ZMAT4: variants seen among roughly 807,000 people sequenced by gnomAD.
The protein encoded by ZMAT4 is zinc finger matrin-type protein 4.
A neutral mutation model predicts 28.7 loss-of-function variants in ZMAT4; 17 were observed. That is an observed-to-expected ratio of 0.59 (90% CI 0.41 to 0.89). ZMAT4 has a LOEUF of 0.89. Ranked by LOEUF, ZMAT4 falls within the 40% of genes least tolerant of loss-of-function variation. ZMAT4 has a pLI of 0.00. For synonymous variants in ZMAT4, 117 were observed against 109.2 expected, an observed-to-expected ratio of 1.07 and a Z score of -0.44; for missense variants, 240 against 283.8, an observed-to-expected ratio of 0.85 and a Z score of 1.11.
chr8:40,627,574 T>C lies in ZMAT4; in HGVS notation c.578-46313A>G, dbSNP rs139473330. 5.5e-3 allele frequency among the ~76,000 whole-genome samples: 842 copies of C among 152,338 alleles called. 3 individuals are homozygous for C. Among genetic ancestry groups the C allele is most frequent in the Middle Eastern group, 0.02 (6 of 294 alleles). On this transcript the variant is annotated intron_variant, in intron 5 of 6. Coordinates refer to ENST00000297737, the MANE Select transcript of ZMAT4 (RefSeq NM_024645.3). ...ATCATAATTCAACCTATGATTTGAA[T>C]TATAATTTTTCTACCATTTAAAATT...
chr8:40,639,366 C>T (rs142131457), intron 5 of ZMAT4, among the ~76,000 whole-genome samples: 246 of 152,130 alleles, frequency 1.6e-3, no homozygotes, highest in Middle Eastern at 3.4e-3. Context: ...GCTGATGTGC[C>T]CAGGTAGACT....
At chr8:40,538,532 A>T (rs961389577) in intron 6 of ZMAT4, among the ~76,000 whole-genome samples, 1 of 152,124 alleles carries the variant, frequency 6.6e-6, no homozygotes, top group Non-Finnish European at 1.5e-5. Flanking sequence ...CTAAGAATAC[A>T]TCTATTTAAA....
intron 4 of ZMAT4, among the ~76,000 whole-genome samples, chr8:40,689,946 A>G (rs2150487401): frequency 6.6e-6 from 1 of 152,286 alleles, no homozygotes; most frequent in Non-Finnish European, 1.5e-5. Context: ...AGTTTACGGT[A>G]TTGAAAAGGA....
rs181499073 is a variant in ZMAT4, at chr8:40,617,968, C to T, written c.578-36707G>A. 2.6e-5 allele frequency among the ~76,000 whole-genome samples: 4 copies of T among 152,310 alleles called. No individual in the cohort carries two copies. The East Asian group carries it at 7.7e-4, about 29-fold the overall frequency. On this transcript the variant is annotated intron_variant, in intron 5 of 6. Transcript: ENST00000297737. ...GAGATTGGAAATAAAATAAATAAGGCACACAGCACAGATCGGACCACTGGA... is the reference window on the plus strand; with the variant it reads ...GAGATTGGAAATAAAATAAATAAGGTACACAGCACAGATCGGACCACTGGA...
intron 5 of ZMAT4, among the ~76,000 whole-genome samples, chr8:40,669,851 T>C (rs1808595301): frequency 6.6e-6 from 1 of 152,190 alleles, no homozygotes; most frequent in African/African-American, 2.4e-5. Flanking sequence ...ATTTAACAAA[T>C]GATGTGCAAA....
At chr8:40,770,192 G>A (rs1286458961) in intron 2 of ZMAT4, among the ~76,000 whole-genome samples, 2 of 152,088 alleles carry the variant, frequency 1.3e-5, no homozygotes, top group Admixed American at 6.6e-5. Flanking sequence ...TTTTCCCTGG[G>A]CACCGTTTTT....
At chr8:40,804,231 A>G (rs907500623) in intron 2 of ZMAT4, among the ~76,000 whole-genome samples, 1 of 152,278 alleles carries the variant, frequency 6.6e-6, no homozygotes, top group South Asian at 2.1e-4. Flanking sequence ...TAAACTATGG[A>G]CTCTGAGTGA....
At chr8:40,532,946 G>T (rs1413756199) in intron 6 of ZMAT4, among the ~76,000 whole-genome samples, 2 of 150,310 alleles carry the variant, frequency 1.3e-5, no homozygotes, top group Non-Finnish European at 2.9e-5. Flanking sequence ...TCGTGCCACT[G>T]CACTCCAGCC....
chr8:40,813,778 C>T (rs563403843), intron 2 of ZMAT4, among the ~76,000 whole-genome samples: 41 of 152,304 alleles, frequency 2.7e-4, no homozygotes, highest in Non-Finnish European at 3.7e-4. Flanking sequence ...AAGGATTTCT[C>T]GGACCAGAAG....
intron 1 of ZMAT4, among the ~76,000 whole-genome samples, chr8:40,835,388 G>C (rs1816440274): frequency 6.6e-6 from 1 of 152,128 alleles, no homozygotes; most frequent in Non-Finnish European, 1.5e-5. Flanking sequence ...TAAAGAATAG[G>C]CTCCTACCCT....
chr8:40,812,173 G>A (rs1815346511), intron 2 of ZMAT4, among the ~76,000 whole-genome samples: 1 of 152,102 alleles, frequency 6.6e-6, no homozygotes, highest in Non-Finnish European at 1.5e-5. Context: ...CATACACTGT[G>A]CCTGATGATA....
intron 6 of ZMAT4, among the ~76,000 whole-genome samples, chr8:40,555,221 T>C (rs1372347394): frequency 6.6e-6 from 1 of 152,204 alleles, no homozygotes; most frequent in East Asian, 1.9e-4. Context: ...CATCCATTGA[T>C]GGACACTTAG....
chr8:40,871,532 C>T (rs1207094294), intron 1 of ZMAT4, among the ~76,000 whole-genome samples: 2 of 152,172 alleles, frequency 1.3e-5, no homozygotes, highest in South Asian at 2.1e-4. Context: ...TCAAAATCTC[C>T]ACTGAGCTGC....
intron 2 of ZMAT4, among the ~76,000 whole-genome samples, chr8:40,785,453 C>T (rs188318040): frequency 3.1e-4 from 47 of 152,278 alleles, no homozygotes; most frequent in Non-Finnish European, 5.4e-4. Context: ...AAAAAACGCT[C>T]CTTGGTTTGA....
chr8:40,535,272 C>G (rs1405267585), intron 6 of ZMAT4, among the ~76,000 whole-genome samples: 1 of 152,186 alleles, frequency 6.6e-6, no homozygotes, highest in Non-Finnish European at 1.5e-5. Flanking sequence ...TCTTCCACCA[C>G]TAGTCTTTCC....
At position 40,897,276 on chromosome 8, in the gene ZMAT4, CA is replaced by C. The variant is rs1306610310; in HGVS notation, c.-5+406del. On this transcript the variant is annotated intron_variant, in intron 1 of 6. Coordinates refer to ENST00000297737, the MANE Select transcript of ZMAT4 (RefSeq NM_024645.3). ...GCAGATCAAGGTAATACGAAGGGGA[CA>C]GACCCTATAGCGGAAAACACAAACA... Among the ~76,000 whole-genome samples, 5 of 152,250 alleles carry C rather than the reference CA, an allele frequency of 3.3e-5. No homozygotes were observed. The East Asian group carries it at 9.7e-4, about 30-fold the overall frequency.
chr8:40,747,235 C>A (rs1034022116), intron 3 of ZMAT4, among the ~76,000 whole-genome samples: 7 of 152,176 alleles, frequency 4.6e-5, no homozygotes, highest in Non-Finnish European at 7.4e-5. Flanking sequence ...TTCCAAGGAG[C>A]TTTTAAATCA....
intron 3 of ZMAT4, among the ~76,000 whole-genome samples, chr8:40,701,470 G>A (rs1810140548): frequency 6.8e-6 from 1 of 146,270 alleles, no homozygotes; most frequent in Admixed American, 6.8e-5. Flanking sequence ...AACACTAACT[G>A]CTCTAATGAC....
intron 3 of ZMAT4, among the ~76,000 whole-genome samples, chr8:40,736,949 T>A (rs953885774): frequency 5.3e-5 from 8 of 152,184 alleles, no homozygotes; most frequent in Non-Finnish European, 1.0e-4. Flanking sequence ...ATACAGGGAA[T>A]AGAGGTAGCT....
Sources: allele counts gnomAD v4.1 joint callset (sites outside exome capture counted in the v4.1 genomes callset), GRCh38; gene constraint gnomAD v4.1.1; transcripts MANE v1.5; gene names NCBI Gene and HGNC (gene_info 2026-07-23, HGNC 2026-07-21).